ADGRB2: variants seen among roughly 807,000 people sequenced by gnomAD.
ADGRB2 encodes the protein adhesion G protein-coupled receptor B2.
ADGRB2 carries 47 observed loss-of-function variants against 178.7 expected under a neutral mutation model. That is an observed-to-expected ratio of 0.26 (90% CI 0.21 to 0.34). The LOEUF is 0.34. Among genes scored for constraint, ADGRB2 ranks in the 10% least tolerant of loss-of-function variants. ADGRB2 has a pLI of 1.00. For synonymous variants in ADGRB2, 870 were observed against 912.4 expected (o/e 0.95, Z 0.84); for missense variants, 1,584 against 2,180.8 (o/e 0.73, Z 5.45).
chr1:31,743,892 TA>T (rs1646125853), intron 6 of ADGRB2, among the ~76,000 whole-genome samples: 1 of 152,230 alleles, frequency 6.6e-6, no homozygotes, highest in Non-Finnish European at 1.5e-5. Flanking sequence ...GTGCGCAAGC[TA>T]CTGATATGGC....
chr1:31,739,043 GC>G, intron 15 of ADGRB2, 106 bp from the exon 16 acceptor site: 1 of 1,070,046 alleles, frequency 9.3e-7, no homozygotes. Flanking sequence ...AGGAGCCAAG[GC>G]CCAGGGGAAG....
chr1:31,760,322 G>A (rs1355534806), intron 1 of ADGRB2, among the ~76,000 whole-genome samples: 2 of 152,226 alleles, frequency 1.3e-5, no homozygotes, highest in East Asian at 3.9e-4. Flanking sequence ...CCTCCTCTAG[G>A]GGGCTGGGGG....
At chr1:31,738,662 G>T in intron 16 of ADGRB2, 32 bp from the exon 17 acceptor site, 1 of 1,612,252 alleles carries the variant, frequency 6.2e-7, no homozygotes, top group Non-Finnish European at 8.5e-7. Flanking sequence ...TGCAGTCTAG[G>T]GAGGGAAGCT....
Position 31,732,196 on chromosome 1 carries a change from T to C in ADGRB2, c.3721-42A>G, listed in dbSNP as rs762774489. On this transcript the variant is annotated intron_variant, in intron 27 of 32. Coordinates refer to ENST00000373658, the MANE Select transcript of ADGRB2 (RefSeq NM_001364857.2). ...AGGGGCAGGTGGGCAGAGGGAGGAT[T>C]AATGTATCAGGGTGGGAGGAGGCTC... is the stretch of plus-strand genomic sequence containing the variant. 3 of 1,612,874 alleles carry C rather than the reference T, an allele frequency of 1.9e-6. No homozygotes were observed. In the Admixed American group the frequency reaches 5.0e-5, roughly 27 times the overall value.
Position 31,761,173 on chromosome 1 carries a change from G to GA in ADGRB2, c.-191+2710dup. 6.6e-6 allele frequency: 1 copy of GA among 152,510 alleles called. No individual in the cohort carries two copies. The highest frequency in any genetic ancestry group is 1.5e-5 in the Non-Finnish European group (1 of 68,160). The allele number at this position is 152,510 out of a possible 1,614,324, so 9.4% of individuals were successfully genotyped here. A position where few individuals can be genotyped will look rare whatever the true frequency, so the allele number is the denominator to read the frequency against. On this transcript the variant is annotated intron_variant, in intron 1 of 32. Coordinates refer to ENST00000373658, the MANE Select transcript of ADGRB2 (RefSeq NM_001364857.2). The surrounding 1 kb of genome is among the most constrained non-coding windows in gnomAD (Gnocchi z 4.2). ...AGGGCTGCCGGGGCAGGCGGGTGAT[G>GA]AGGAGGCTGCCACTCCCCGGTGGGA... is the stretch of plus-strand genomic sequence containing the variant.
chr1:31,732,755 C>G, intron 26 of ADGRB2, 143 bp from the exon 27 acceptor site: 1 of 1,134,182 alleles, frequency 8.8e-7, no homozygotes, highest in Non-Finnish European at 1.3e-6. Context: ...GACACCTGGG[C>G]AGGGTGCAAC....
Position 31,737,758 on chromosome 1 carries a change from G to T in ADGRB2, c.2773-3C>A. On this transcript the variant is annotated splice_region_variant and splice_polypyrimidine_tract_variant and intron_variant, in intron 18 of 32. Transcript: ENST00000373658. ...GGGGAGCCCGCCAGCTCCAGGGTCT[G>T]GGGAAGATGGGCAGACAGTCAGATG... 1.2e-6 allele frequency: 2 copies of T among 1,613,106 alleles called. No homozygotes were observed. The highest frequency in any genetic ancestry group is 2.2e-5 in the South Asian group (2 of 91,054).
At position 31,733,858 on chromosome 1, in the gene ADGRB2, C is replaced by A. The variant is rs1344146582; in HGVS notation, c.3453-715G>T. 2.6e-5 allele frequency among the ~76,000 whole-genome samples: 4 copies of A among 152,184 alleles called. No homozygotes were observed. The highest frequency in any genetic ancestry group is 7.2e-5 in the African/African-American group (3 of 41,442). On this transcript the variant is annotated intron_variant, in intron 25 of 32. Transcript: ENST00000373658. This position sits in a 1 kb window ranked among gnomAD's most constrained non-coding sequence, Gnocchi z 4.3. ...AAAAAAGCAGATGGGGCCTGGCATC[C>A]AAGCCATTCCCACCCCTCCCTAACC...
At chr1:31,729,823 C>G (rs1412111448) in intron 29 of ADGRB2, among the ~76,000 whole-genome samples, 1 of 152,282 alleles carries the variant, frequency 6.6e-6, no homozygotes, top group Non-Finnish European at 1.5e-5. Flanking sequence ...CAAGCGCGCC[C>G]TTCTCCGACA....
Position 31,757,385 on chromosome 1 carries a change from C to A in ADGRB2, c.-64G>T. 1.1e-6 allele frequency: 1 copy of A among 931,540 alleles called. No homozygotes were observed. The allele number at this position is 931,540 out of a possible 1,614,324, so 57.7% of individuals were successfully genotyped here. ...GAACAATGTCATTCTCACTCACTTG[C>A]TTTACTGAGAGGGAGAGAAAGGGGC... On this transcript the variant is annotated 5_prime_UTR_variant, in exon 2 of 33. Coordinates refer to ENST00000373658, the MANE Select transcript of ADGRB2 (RefSeq NM_001364857.2).
intron 29 of ADGRB2, among the ~76,000 whole-genome samples, chr1:31,730,076 A>G (rs1412841404): frequency 1.3e-5 from 2 of 152,224 alleles, no homozygotes; most frequent in Non-Finnish European, 2.9e-5. Context: ...CATGACTCCA[A>G]TAAAGTTGCA....
rs777614891 is a variant in ADGRB2 at position 31,728,310 on chromosome 1, T to G, written c.4417-30A>C. 5 of 1,603,960 alleles carry G rather than the reference T, an allele frequency of 3.1e-6. No individual in the cohort carries two copies. Among genetic ancestry groups the G allele is most frequent in the Non-Finnish European group, 4.3e-6 (5 of 1,173,384 alleles). On this transcript the variant is annotated intron_variant, in intron 30 of 32. Coordinates refer to ENST00000373658, the MANE Select transcript of ADGRB2 (RefSeq NM_001364857.2). The surrounding 1 kb of genome is among the most constrained non-coding windows in gnomAD (Gnocchi z 6.7). Reference sequence around the variant, plus strand: ...GGGCCACAGGGCATCAGAGGGTCGCTCCCCGGGGCAGCACCATGATCCCCC... The same window carrying G: ...GGGCCACAGGGCATCAGAGGGTCGCGCCCCGGGGCAGCACCATGATCCCCC...
In ADGRB2 at chr1:31,735,122, C is replaced by A; in HGVS notation, c.3452+61G>T. 1 of 1,036,624 alleles carries A rather than the reference C, an allele frequency of 9.6e-7. No individual in the cohort carries two copies. The highest frequency in any genetic ancestry group is 1.3e-6 in the Non-Finnish European group (1 of 756,994). 64.2% of individuals were successfully genotyped at this position (1,036,624 alleles called of 1,614,324 possible). A position where few individuals can be genotyped will look rare whatever the true frequency, so the allele number is the denominator to read the frequency against. ...CCTCCTCCTCCCCCCACCATGGGCACTGCCCCCCCCAATTCCTTTGCCCCA... is the reference window on the plus strand; with the variant it reads ...CCTCCTCCTCCCCCCACCATGGGCAATGCCCCCCCCAATTCCTTTGCCCCA... On this transcript the variant is annotated intron_variant, in intron 25 of 32. Coordinates refer to ENST00000373658, the MANE Select transcript of ADGRB2 (RefSeq NM_001364857.2). This position sits in a 1 kb window ranked among gnomAD's most constrained non-coding sequence, Gnocchi z 6.0.
rs1361561367 is a variant in ADGRB2, at chr1:31,727,562, C to T, written c.4616G>A (p.Arg1539Gln). Reference protein sequence around the residue: ...PGERPSLSQHRRHQSWSTFKS... With the variant: ...PGERPSLSQHQRHQSWSTFKS... ...GAAGGTGCTCCAGCTCTGATGGCGC[C>T]GATGTTGGGACAAGCTGGGGCGCTC... Residue 1539 changes from arginine to glutamine, a missense_variant, in exon 33 of 33, where the codon CGG becomes CAG. Physicochemically the swap from Arg to Gln is conservative, Grantham distance 43 (BLOSUM62 1). Transcript: ENST00000373658. This position sits in a 1 kb window ranked among gnomAD's most constrained non-coding sequence, Gnocchi z 4.4. 4 of 1,573,654 alleles carry T rather than the reference C, an allele frequency of 2.5e-6. No individual in the cohort carries two copies. The highest frequency in any genetic ancestry group is 1.7e-6 in the Non-Finnish European group (2 of 1,166,546).
intron 15 of ADGRB2, 82 bp from the exon 16 acceptor site, chr1:31,739,019 T>C: frequency 2.4e-6 from 3 of 1,266,552 alleles, no homozygotes; most frequent in Non-Finnish European, 3.3e-6. Context: ...TGGATGGGTG[T>C]GCAGAGGCTT....
Position 31,758,723 on chromosome 1 carries a change from C to T in ADGRB2, c.-190-1212G>A. On this transcript the variant is annotated intron_variant, in intron 1 of 32. Coordinates refer to ENST00000373658, the MANE Select transcript of ADGRB2 (RefSeq NM_001364857.2). This position sits in a 1 kb window ranked among gnomAD's most constrained non-coding sequence, Gnocchi z 4.2. ...TACTCACTGCAGAGGAGCCACCCCA[C>T]CCTCCTCCCAAGACCCACATGGAGT... 6.3e-6 allele frequency: 1 copy of T among 158,668 alleles called. No homozygotes were observed. Among genetic ancestry groups the T allele is most frequent in the Non-Finnish European group, 1.4e-5 (1 of 70,280 alleles). The allele number at this position is 158,668 out of a possible 1,614,324, so 9.8% of individuals were successfully genotyped here. A position where few individuals can be genotyped will look rare whatever the true frequency, so the allele number is the denominator to read the frequency against.
rs955279490 is a variant in ADGRB2, at chr1:31,759,642, A to C, written c.-190-2131T>G. Among the ~76,000 whole-genome samples the C allele has an allele frequency of 6.6e-6, 1 of 152,180 alleles. No homozygotes were observed. The highest frequency in any genetic ancestry group is 6.5e-5 in the Admixed American group (1 of 15,276). ...TAACCCTCACTGTGCCGGCTATGAC[A>C]TAAGACCTTTTGGGGCGCCTTTTTA... On this transcript the variant is annotated intron_variant, in intron 1 of 32. Transcript: ENST00000373658. This position sits in a 1 kb window ranked among gnomAD's most constrained non-coding sequence, Gnocchi z 4.3.
In ADGRB2 at chr1:31,758,986, G is replaced by A. The variant is rs911974462; in HGVS notation, c.-190-1475C>T. Among the ~76,000 whole-genome samples the A allele has an allele frequency of 1.3e-5, 2 of 152,152 alleles. No homozygotes were observed. Among genetic ancestry groups the A allele is most frequent in the South Asian group, 2.1e-4 (1 of 4,826 alleles). ...GCCGCAAAATTCAGGCCATGGCTGC[G>A]GCTCAGTGGAGGGGAGGTAGGGGCT... On this transcript the variant is annotated intron_variant, in intron 1 of 32. Coordinates refer to ENST00000373658, the MANE Select transcript of ADGRB2 (RefSeq NM_001364857.2). The surrounding 1 kb of genome is among the most constrained non-coding windows in gnomAD (Gnocchi z 4.2).
At chr1:31,750,097 C>T (rs775903610) in intron 4 of ADGRB2, among the ~76,000 whole-genome samples, 13 of 152,244 alleles carry the variant, frequency 8.5e-5, no homozygotes, top group South Asian at 2.1e-4. Context: ...ACCCTTCCCT[C>T]TATTGCAATC....
Sources: gnomAD v4.1 joint callset for allele counts (sites outside exome capture counted in the v4.1 genomes callset) on GRCh38, gnomAD v4.1.1 for gene constraint, Gnocchi (gnomAD v3.1) non-coding constraint, MANE v1.5 for transcripts, NCBI Gene and HGNC (gene_info 2026-07-23, HGNC 2026-07-21) for gene names.